LRFN2: variants seen among roughly 807,000 people sequenced by gnomAD.
LRFN2 encodes leucine-rich repeat and fibronectin type-III domain-containing protein 2.
Under a neutral mutation model 37.3 loss-of-function variants are expected in LRFN2, and 18 were observed. That is an observed-to-expected ratio of 0.48 (90% CI 0.33 to 0.72). The LOEUF (loss-of-function observed/expected upper bound fraction) is 0.72. LRFN2 is among the 30% of genes least tolerant of loss of function. The pLI is 0.02. For missense variants in LRFN2, 1,006 were observed against 1,060.7 expected (o/e 0.95, Z 0.72); for synonymous variants, 556 against 466.6 (o/e 1.19, Z -2.47).
chr6:40,563,789 G>C (rs1767042161), intron 1 of LRFN2, among the ~76,000 whole-genome samples: 1 of 152,154 alleles, frequency 6.6e-6, no homozygotes, highest in African/African-American at 2.4e-5. Context: ...TTCCAGCCCT[G>C]TCATCAAGGT....
At chr6:40,514,437 C>A (rs1482138642) in intron 1 of LRFN2, among the ~76,000 whole-genome samples, 2 of 152,180 alleles carry the variant, frequency 1.3e-5, no homozygotes, top group Non-Finnish European at 2.9e-5. Context: ...GCCTCAGCCT[C>A]CTGAGTAGCT....
Position 40,392,286 on chromosome 6 carries a change from G to T in LRFN2, c.2027C>A (p.Ser676Tyr). The T allele has an allele frequency of 1.2e-6, 2 of 1,606,888 alleles. No individual in the cohort carries two copies. Among genetic ancestry groups the T allele is most frequent in the East Asian group, 2.2e-5 (1 of 44,738 alleles). The part of the protein sequence containing the change: ...KSQRKEELLD[S>Y]RTPAGRGAGT... ...AGCCCCTCTCCCGGCTGGAGTCCTG[G>T]AGTCCAGCAGCTCCTCCTTTCTCTG... Residue 676 changes from serine to tyrosine, a missense_variant, in exon 3 of 3, where the codon TCC becomes TAC. Physicochemically the swap from Ser to Tyr is moderately radical, Grantham distance 144. Coordinates refer to ENST00000338305, the MANE Select transcript of LRFN2 (RefSeq NM_020737.3). The surrounding 1 kb of genome is among the most constrained non-coding windows in gnomAD (Gnocchi z 4.7).
chr6:40,482,106 T>C (rs1196526709), intron 1 of LRFN2, among the ~76,000 whole-genome samples: 2 of 152,180 alleles, frequency 1.3e-5, no homozygotes, highest in African/African-American at 4.8e-5. Context: ...CTGGCCCTTG[T>C]ATCCCTTTGC....
intron 1 of LRFN2, among the ~76,000 whole-genome samples, chr6:40,552,929 A>G (rs1029306741): frequency 4.2e-4 from 64 of 152,336 alleles, no homozygotes; most frequent in African/African-American, 1.4e-3. Context: ...CTTAATCAGT[A>G]AAAATCCCAT....
chr6:40,413,771 TCTC>T (rs1049427952), intron 2 of LRFN2, among the ~76,000 whole-genome samples: 2 of 151,916 alleles, frequency 1.3e-5, no homozygotes, highest in African/African-American at 2.4e-5. Context: ...TGACGGAAGT[TCTC>T]CTACTTGTCT....
intron 1 of LRFN2, among the ~76,000 whole-genome samples, chr6:40,466,008 G>T (rs1050588656): frequency 1.2e-4 from 19 of 152,166 alleles, no homozygotes; most frequent in African/African-American, 4.6e-4. Context: ...TCTACCAGGG[G>T]TTTACTTAGA....
intron 2 of LRFN2, 133 bp downstream of exon 2, chr6:40,431,581 A>T: frequency 1.5e-6 from 1 of 648,908 alleles, no homozygotes; most frequent in East Asian, 2.9e-5. Context: ...CGAATGGCAC[A>T]GTTTGCCCCA....
At chr6:40,446,013 C>T (rs1031364559) in intron 1 of LRFN2, among the ~76,000 whole-genome samples, 4 of 152,314 alleles carry the variant, frequency 2.6e-5, no homozygotes, top group Middle Eastern at 3.4e-3. Context: ...TGGCTGTTCT[C>T]AAGGAGAAGC....
chr6:40,428,491 A>G (rs960810531), intron 2 of LRFN2, among the ~76,000 whole-genome samples: 1 of 152,086 alleles, frequency 6.6e-6, no homozygotes, highest in Non-Finnish European at 1.5e-5. Flanking sequence ...AATGAGGACA[A>G]TTCATTTTCT....
chr6:40,569,128 T>C (rs1767142898), intron 1 of LRFN2, among the ~76,000 whole-genome samples: 1 of 152,010 alleles, frequency 6.6e-6, no homozygotes. Context: ...ATTGAACAAT[T>C]AGGGAGAGAT....
At chr6:40,578,611 C>T (rs1434944864) in intron 1 of LRFN2, among the ~76,000 whole-genome samples, 2 of 152,148 alleles carry the variant, frequency 1.3e-5, no homozygotes, top group Admixed American at 6.5e-5. Flanking sequence ...TAAGAGGGTC[C>T]TCAGTGGTAT....
chr6:40,441,589 G>A (rs61246595), intron 1 of LRFN2, among the ~76,000 whole-genome samples: 2,404 of 152,158 alleles, frequency 0.016, 60 homozygotes, highest in African/African-American at 0.054. Context: ...TGTCAGCTTC[G>A]AATGCATTAA....
chr6:40,547,406 C>G (rs147602208), intron 1 of LRFN2, among the ~76,000 whole-genome samples: 87 of 152,142 alleles, frequency 5.7e-4, no homozygotes, highest in African/African-American at 2.0e-3. Context: ...CGCCTGGCCA[C>G]AAACCTTAAT....
intron 1 of LRFN2, among the ~76,000 whole-genome samples, chr6:40,454,310 T>C (rs138276328): frequency 8.5e-5 from 13 of 152,190 alleles, no homozygotes; most frequent in African/African-American, 3.1e-4. Flanking sequence ...AATTTGGAAA[T>C]ATCTATAGAA....
intron 1 of LRFN2, among the ~76,000 whole-genome samples, chr6:40,497,343 G>C (rs1765252574): frequency 6.6e-6 from 1 of 152,016 alleles, no homozygotes; most frequent in African/African-American, 2.4e-5. Flanking sequence ...CCAACCTGTT[G>C]CCCTCATAAA....
intron 1 of LRFN2, among the ~76,000 whole-genome samples, chr6:40,498,841 G>A (rs926045141): frequency 1.3e-5 from 2 of 151,944 alleles, no homozygotes; most frequent in African/African-American, 4.8e-5. Flanking sequence ...CATATACAGA[G>A]ACTCTACACA....
chr6:40,449,380 G>A (rs569881749), intron 1 of LRFN2, among the ~76,000 whole-genome samples: 2 of 152,318 alleles, frequency 1.3e-5, no homozygotes, highest in Admixed American at 1.3e-4. Context: ...AATAAAGACT[G>A]TATTTCCCAG....
intron 1 of LRFN2, among the ~76,000 whole-genome samples, chr6:40,531,696 C>T (rs978066067): frequency 6.6e-6 from 1 of 152,168 alleles, no homozygotes; most frequent in South Asian, 2.1e-4. Context: ...TCAGTTCCTG[C>T]TGATTCTACT....
intron 1 of LRFN2, among the ~76,000 whole-genome samples, chr6:40,495,881 A>G (rs1482030358): frequency 6.6e-6 from 1 of 152,156 alleles, no homozygotes; most frequent in Non-Finnish European, 1.5e-5. Flanking sequence ...CCTCCAGCCC[A>G]GCCCTTTCCT....
Sources: gnomAD v4.1 joint callset for allele counts (sites outside exome capture counted in the v4.1 genomes callset) on GRCh38, gnomAD v4.1.1 for gene constraint, Gnocchi (gnomAD v3.1) non-coding constraint, MANE v1.5 for transcripts, NCBI Gene and HGNC (gene_info 2026-07-23, HGNC 2026-07-21) for gene names.